Variants in SNX6 observed in about 807,000 individuals in gnomAD.
The protein encoded by SNX6 is sorting nexin 6, also known as sorting nexin-6.
Under a neutral mutation model 63.0 loss-of-function variants are expected in SNX6, and 34 were observed. That is an observed-to-expected ratio of 0.54 (90% CI 0.41 to 0.72). SNX6 has a LOEUF of 0.72. Among genes scored for constraint, SNX6 ranks in the 30% least tolerant of loss-of-function variants. SNX6 has a pLI of 0.00. For missense variants in SNX6, 398 were observed against 471.4 expected (o/e 0.84, Z 1.44); for synonymous variants, 170 against 164.2 (o/e 1.04, Z -0.27).
intron 11 of SNX6, among the ~76,000 whole-genome samples, chr14:34,574,210 C>A (rs1332783765): frequency 6.6e-6 from 1 of 151,166 alleles, no homozygotes; most frequent in Non-Finnish European, 1.5e-5. Flanking sequence ...GTGGCGGGCA[C>A]CTGTAATCCC....
At chr14:34,569,182 T>C (rs1481233496) in intron 11 of SNX6, 4 of 725,716 alleles carry the variant, frequency 5.5e-6, no homozygotes, top group Non-Finnish European at 1.0e-5. Flanking sequence ...CAGTCCGTTT[T>C]TTTAAGTAAC....
intron 5 of SNX6, among the ~76,000 whole-genome samples, chr14:34,604,696 G>A (rs955089585): frequency 4.6e-5 from 6 of 131,466 alleles, no homozygotes; most frequent in Admixed American, 4.3e-4. Context: ...CACTAAAAAC[G>A]AAATATGGGT....
chr14:34,600,533 C>A (rs373925209), intron 6 of SNX6, among the ~76,000 whole-genome samples: 1 of 152,012 alleles, frequency 6.6e-6, no homozygotes, highest in East Asian at 1.9e-4. Context: ...CTGCCTCAGG[C>A]TCCCAAAGTA....
At chr14:34,581,037 CT>C (rs1182005648) in intron 10 of SNX6, among the ~76,000 whole-genome samples, 1 of 152,342 alleles carries the variant, frequency 6.6e-6, no homozygotes, top group Non-Finnish European at 1.5e-5. Flanking sequence ...GAATCCAAAT[CT>C]GTTTCATCAT....
intron 2 of SNX6, among the ~76,000 whole-genome samples, chr14:34,621,960 T>TC (rs1883637358): frequency 7.1e-6 from 1 of 139,972 alleles, no homozygotes; most frequent in Non-Finnish European, 1.5e-5. Context: ...CCTTTTTTTT[T>TC]TTTTTTTTTT....
intron 2 of SNX6, among the ~76,000 whole-genome samples, chr14:34,618,688 G>C (rs142156653): frequency 1.6e-3 from 251 of 152,142 alleles, no homozygotes; most frequent in Non-Finnish European, 2.4e-3. Flanking sequence ...CCGTCTCAGG[G>C]AGTCTTTGCA....
chr14:34,593,999 C>T (rs1044642084), intron 7 of SNX6, among the ~76,000 whole-genome samples: 2 of 152,296 alleles, frequency 1.3e-5, no homozygotes, highest in Non-Finnish European at 1.5e-5. Flanking sequence ...GCTGGGATTA[C>T]AGGCATGAGC....
intron 8 of SNX6, among the ~76,000 whole-genome samples, chr14:34,587,799 T>A (rs1882236646): frequency 3.1e-5 from 1 of 32,140 alleles, no homozygotes; most frequent in Non-Finnish European, 9.1e-5. Context: ...GGTTGGCTAA[T>A]TTTTTTTTTT....
intron 6 of SNX6, 66 bp from the exon 7 acceptor site, chr14:34,597,711 G>A (rs45527231): frequency 1.5e-4 from 127 of 840,508 alleles, no homozygotes; most frequent in Non-Finnish European, 2.3e-4. Flanking sequence ...TTTATTCTTT[G>A]ATATTTAAAT....
chr14:34,627,350 G>A (rs1315993525), intron 2 of SNX6, among the ~76,000 whole-genome samples: 5 of 152,178 alleles, frequency 3.3e-5, no homozygotes, highest in African/African-American at 1.2e-4. Flanking sequence ...AGGAGGCTGA[G>A]GCAGGACAAT....
chr14:34,575,671 A>G, intron 11 of SNX6, 85 bp downstream of exon 11: 1 of 605,136 alleles, frequency 1.7e-6, no homozygotes, highest in South Asian at 1.9e-5. Flanking sequence ...TAAAGGAGAT[A>G]AATCATCATT....
chr14:34,615,404 A>C (rs1480161014), intron 2 of SNX6, among the ~76,000 whole-genome samples: 1 of 152,094 alleles, frequency 6.6e-6, no homozygotes, highest in African/African-American at 2.4e-5. Flanking sequence ...ATTATTTTTT[A>C]AGAGATAGGG....
At chr14:34,571,028 C>A (rs1881430018) in intron 11 of SNX6, among the ~76,000 whole-genome samples, 1 of 151,862 alleles carries the variant, frequency 6.6e-6, no homozygotes, top group South Asian at 2.1e-4. Flanking sequence ...TGGCCCCAGC[C>A]TTCTCTTTTT....
intron 2 of SNX6, among the ~76,000 whole-genome samples, chr14:34,611,482 GAA>G (rs1257317713): frequency 1.5e-5 from 2 of 133,062 alleles, no homozygotes. Flanking sequence ...GTCTCAAAAA[GAA>G]AAAAAAAAAG....
intron 11 of SNX6, among the ~76,000 whole-genome samples, chr14:34,570,686 G>C (rs1881407435): frequency 6.7e-6 from 1 of 149,820 alleles, no homozygotes; most frequent in African/African-American, 2.5e-5. Flanking sequence ...CTCCCAAAAT[G>C]CTGGGATTAC....
chr14:34,612,371 T>TA (rs1051264847), intron 2 of SNX6, among the ~76,000 whole-genome samples: 1 of 152,182 alleles, frequency 6.6e-6, no homozygotes, highest in Non-Finnish European at 1.5e-5. Context: ...GTCATTCAAT[T>TA]ATGGATTTTG....
intron 2 of SNX6, among the ~76,000 whole-genome samples, chr14:34,610,085 T>C (rs1316360391): frequency 6.6e-6 from 1 of 151,786 alleles, no homozygotes; most frequent in African/African-American, 2.4e-5. Context: ...GGCTCATGTC[T>C]ATAATCCCAG....
At chr14:34,567,052 T>C (rs1210550136) in intron 13 of SNX6, among the ~76,000 whole-genome samples, 1 of 151,706 alleles carries the variant, frequency 6.6e-6, no homozygotes, top group Non-Finnish European at 1.5e-5. Context: ...GTGAAAACCC[T>C]GTCTCTACTA....
At position 34,581,594 on chromosome 14, in the gene SNX6, A is replaced by G. The variant is rs751348218; in HGVS notation, c.801T>C (p.Phe267=). ...TQDSTDICKF[F]LKVSELFDKT... ...TATCGAACAGTTCTGAAACTTTGAG[A>G]AAAAACCTGGAAAGGAAAATATTTT... The change falls in exon 10 of 14, where the codon TTT becomes TTC. Residue 267 remains phenylalanine (F), a synonymous_variant. Transcript: ENST00000362031. 1.3e-6 allele frequency: 2 copies of G among 1,482,626 alleles called. No individual in the cohort carries two copies. The highest frequency in any genetic ancestry group is 1.7e-5 in the Admixed American group (1 of 58,590). The allele number at this position is 1,482,626 out of a possible 1,614,324, so 91.8% of individuals were successfully genotyped here. A position where few individuals can be genotyped will look rare whatever the true frequency, so the allele number is the denominator to read the frequency against.
Sources: gnomAD v4.1 joint callset for allele counts (sites outside exome capture counted in the v4.1 genomes callset) on GRCh38, gnomAD v4.1.1 for gene constraint, MANE v1.5 for transcripts, NCBI Gene and HGNC (gene_info 2026-07-23, HGNC 2026-07-21) for gene names.